CCAR1: variants seen among roughly 807,000 people sequenced by gnomAD.
The protein encoded by CCAR1 is cell division cycle and apoptosis regulator protein 1.
Under a neutral mutation model 163.8 loss-of-function variants are expected in CCAR1, and 78 were observed. That is an observed-to-expected ratio of 0.48 (90% CI 0.40 to 0.57). The LOEUF (loss-of-function observed/expected upper bound fraction) is 0.57. Among genes scored for constraint, CCAR1 ranks in the 20% least tolerant of loss-of-function variants. CCAR1 has a pLI of 0.00. For synonymous variants in CCAR1, 443 were observed against 460.7 expected (o/e 0.96, Z 0.49); for missense variants, 1,019 against 1,365.2 (o/e 0.75, Z 4.00).
chr10:68,730,646 A>G (rs901700286), intron 2 of CCAR1, among the ~76,000 whole-genome samples: 1 of 151,964 alleles, frequency 6.6e-6, no homozygotes, highest in Non-Finnish European at 1.5e-5. Context: ...AAAAAAGAAC[A>G]TATTTTTATC....
chr10:68,786,158 C>G lies in CCAR1; in HGVS notation c.2673C>G (p.Thr891=). 1 of 1,612,182 alleles carries G rather than the reference C, an allele frequency of 6.2e-7. No homozygotes were observed. Among genetic ancestry groups the G allele is most frequent in the South Asian group, 1.1e-5 (1 of 90,828 alleles). The change falls in exon 20 of 25, where the codon ACC becomes ACG. Residue 891 remains threonine, a synonymous_variant. Coordinates refer to ENST00000265872, the MANE Select transcript of CCAR1 (RefSeq NM_018237.4). ...CAGATAGGGATGAGGAAGAAATGACCAAACGAGATGACAAAAGAGATATCA... is the reference window on the plus strand; with the variant it reads ...CAGATAGGGATGAGGAAGAAATGACGAAACGAGATGACAAAAGAGATATCA... The part of the protein sequence containing the change: ...EEDDRDEEEM[T]KRDDKRDINR...
intron 2 of CCAR1, among the ~76,000 whole-genome samples, chr10:68,725,397 C>CA (rs35440330): frequency 0.66 from 99,193 of 151,054 alleles, 33,291 homozygotes; most frequent in Non-Finnish European, 0.73. Flanking sequence ...GACTCCAGCT[C>CA]AAAAAAAATA....
chr10:68,744,032 A>C (rs1043029489), intron 6 of CCAR1, among the ~76,000 whole-genome samples: 1 of 152,124 alleles, frequency 6.6e-6, no homozygotes, highest in Non-Finnish European at 1.5e-5. Flanking sequence ...TACAGGCGTA[A>C]GCCACTATAC....
At chr10:68,788,613 T>C (rs778682250) in intron 23 of CCAR1, among the ~76,000 whole-genome samples, 1 of 152,150 alleles carries the variant, frequency 6.6e-6, no homozygotes, top group Non-Finnish European at 1.5e-5. Context: ...GTCTCCCAAG[T>C]AGCTGGGATT....
At chr10:68,758,615 GTATATATATATATA>G (rs150136958) in intron 15 of CCAR1, among the ~76,000 whole-genome samples, 8 of 105,492 alleles carry the variant, frequency 7.6e-5, no homozygotes, top group East Asian at 2.5e-4. Flanking sequence ...ATACGTGTGT[GTATATATATATATA>G]TGTATATATA....
chr10:68,724,360 T>C (rs1008593149), intron 2 of CCAR1, among the ~76,000 whole-genome samples: 3 of 150,910 alleles, frequency 2.0e-5, no homozygotes. Context: ...CAGCTACTCA[T>C]GAGGCTGAGG....
chr10:68,726,629 G>A (rs915081271), intron 2 of CCAR1, among the ~76,000 whole-genome samples: 1 of 152,052 alleles, frequency 6.6e-6, no homozygotes, highest in African/African-American at 2.4e-5. Flanking sequence ...TACTATGTGT[G>A]ATAATCCTTA....
intron 4 of CCAR1, among the ~76,000 whole-genome samples, chr10:68,739,903 A>G (rs1237216380): frequency 6.6e-6 from 1 of 152,216 alleles, no homozygotes; most frequent in Admixed American, 6.6e-5. Flanking sequence ...AGCCTAAGTC[A>G]AATTTGTATT....
At chr10:68,740,992 C>A (rs1273254727) in intron 5 of CCAR1, among the ~76,000 whole-genome samples, 1 of 151,856 alleles carries the variant, frequency 6.6e-6, no homozygotes, top group Non-Finnish European at 1.5e-5. Flanking sequence ...CGGCTCACTG[C>A]AATCTCTGCC....
At chr10:68,742,107 A>C (rs1156692880) in intron 5 of CCAR1, among the ~76,000 whole-genome samples, 1 of 152,220 alleles carries the variant, frequency 6.6e-6, no homozygotes, top group Non-Finnish European at 1.5e-5. Context: ...AGGAATGCTG[A>C]GTTCCTTTAC....
chr10:68,733,430 A>C (rs1015249637), intron 2 of CCAR1, among the ~76,000 whole-genome samples: 4 of 151,956 alleles, frequency 2.6e-5, no homozygotes, highest in African/African-American at 4.8e-5. Context: ...AAAAAGAGAA[A>C]ATGAAAAACT....
In CCAR1 at chr10:68,791,680, A is replaced by G. The variant is rs2056853054; in HGVS notation, c.*414A>G. 3 of 153,092 alleles carry G rather than the reference A, an allele frequency of 2.0e-5. No homozygotes were observed. Among genetic ancestry groups the G allele is most frequent in the South Asian group, 4.1e-4 (2 of 4,854 alleles). 9.5% of individuals were successfully genotyped at this position (153,092 alleles called of 1,614,324 possible). ...ATTTCAGTCAAAATCATAAAATAGC[A>G]TGATGCTTAATTTTTGCAAGTTTTT... On this transcript the variant is annotated 3_prime_UTR_variant, in exon 25 of 25. Coordinates refer to ENST00000265872, the MANE Select transcript of CCAR1 (RefSeq NM_018237.4).
At chr10:68,753,407 A>G (rs2056359597) in intron 10 of CCAR1, among the ~76,000 whole-genome samples, 1 of 152,206 alleles carries the variant, frequency 6.6e-6, no homozygotes, top group African/African-American at 2.4e-5. Flanking sequence ...GGAACTTACT[A>G]TAGTAAAATA....
chr10:68,738,849 C>A (rs369154843), intron 4 of CCAR1, among the ~76,000 whole-genome samples: 4 of 152,070 alleles, frequency 2.6e-5, no homozygotes, highest in African/African-American at 9.7e-5. Context: ...GAGTTTGATA[C>A]CAACTTGGCC....
chr10:68,743,177 CTTCT>C (rs1298445956), intron 6 of CCAR1, among the ~76,000 whole-genome samples: 4 of 150,560 alleles, frequency 2.7e-5, no homozygotes, highest in African/African-American at 4.9e-5. Flanking sequence ...TTCCCTTACT[CTTCT>C]TTCTTTCTTT....
rs1564540748 is a variant in CCAR1, at chr10:68,756,768, C to T, written c.1836+285C>T. 21 of 457,918 alleles carry T rather than the reference C, an allele frequency of 4.6e-5. No homozygotes were observed. The highest frequency in any genetic ancestry group is 7.2e-5 in the Non-Finnish European group (18 of 249,376). 28.4% of individuals were successfully genotyped at this position (457,918 alleles called of 1,614,324 possible). A position where few individuals can be genotyped will look rare whatever the true frequency, so the allele number is the denominator to read the frequency against. On this transcript the variant is annotated intron_variant, in intron 14 of 24. Coordinates refer to ENST00000265872, the MANE Select transcript of CCAR1 (RefSeq NM_018237.4). The surrounding 1 kb of genome is among the most constrained non-coding windows in gnomAD (Gnocchi z 5.1). Reference sequence around the variant, plus strand: ...TAGGTCTAGTTGCTGGAATCTGGGACCAGTTGTTGAACAAGATTCAGTATT... The same window carrying T: ...TAGGTCTAGTTGCTGGAATCTGGGATCAGTTGTTGAACAAGATTCAGTATT...
chr10:68,737,999 A>G, intron 4 of CCAR1, 110 bp downstream of exon 4: 3 of 729,014 alleles, frequency 4.1e-6, no homozygotes, highest in South Asian at 1.8e-5. Flanking sequence ...TGTGATACAA[A>G]TTTTTTGGGA....
intron 16 of CCAR1, among the ~76,000 whole-genome samples, chr10:68,762,650 C>T (rs538939256): frequency 1.6e-4 from 24 of 152,272 alleles, no homozygotes; most frequent in African/African-American, 4.8e-4. Flanking sequence ...TTGTAAAGTA[C>T]ACATCATTAT....
chr10:68,790,878 A>T (rs2133444487), intron 24 of CCAR1, among the ~76,000 whole-genome samples: 1 of 151,834 alleles, frequency 6.6e-6, no homozygotes, highest in South Asian at 2.1e-4. Context: ...AAAAAAAAAA[A>T]AATAGAGACG....
Sources: allele counts gnomAD v4.1 joint callset (sites outside exome capture counted in the v4.1 genomes callset), GRCh38; gene constraint gnomAD v4.1.1; non-coding constraint Gnocchi (gnomAD v3.1); transcripts MANE v1.5; gene names NCBI Gene and HGNC (gene_info 2026-07-23, HGNC 2026-07-21).